AGBL4: variants seen among roughly 807,000 people sequenced by gnomAD.
AGBL4 encodes AGBL carboxypeptidase 4, also known as cytosolic carboxypeptidase 6.
AGBL4 carries 58 observed loss-of-function variants against 66.4 expected under a neutral mutation model. That is an observed-to-expected ratio of 0.87 (90% CI 0.71 to 1.09). The LOEUF (loss-of-function observed/expected upper bound fraction) is 1.09, where lower values mean the gene tolerates loss of function less well. Ranked by LOEUF, AGBL4 falls within the 50% of genes least tolerant of loss-of-function variation. The probability of loss-of-function intolerance (pLI) is 0.00; values close to 1 mark genes in which losing one functional copy is unlikely to be tolerated. For missense variants in AGBL4, 579 were observed against 631.0 expected (o/e 0.92, Z 0.88); for synonymous variants, 234 against 222.9 (o/e 1.05, Z -0.44).
chr1:49,161,146 C>A (rs1235372179), intron 4 of AGBL4, among the ~76,000 whole-genome samples: 1 of 152,138 alleles, frequency 6.6e-6, no homozygotes, highest in Admixed American at 6.5e-5. Context: ...TAAATGGCCA[C>A]CCAGTTTTGT....
At chr1:49,191,082 A>G (rs1647109726) in intron 4 of AGBL4, among the ~76,000 whole-genome samples, 1 of 152,242 alleles carries the variant, frequency 6.6e-6, no homozygotes. Context: ...AGATACAGAG[A>G]TGAATCAGAA....
intron 4 of AGBL4, among the ~76,000 whole-genome samples, chr1:49,223,469 C>T (rs1281297846): frequency 1.3e-5 from 2 of 152,184 alleles, no homozygotes; most frequent in Non-Finnish European, 2.9e-5. Context: ...CATTTTAGCT[C>T]CTTCTCAGCT....
intron 5 of AGBL4, among the ~76,000 whole-genome samples, chr1:48,914,693 A>C (rs1230385274): frequency 1.3e-5 from 2 of 152,146 alleles, no homozygotes; most frequent in Non-Finnish European, 2.9e-5. Context: ...ACTGTTAACC[A>C]GTTTTTTAGT....
chr1:48,985,934 A>C (rs928051758), intron 5 of AGBL4, among the ~76,000 whole-genome samples: 1 of 152,180 alleles, frequency 6.6e-6, no homozygotes, highest in Non-Finnish European at 1.5e-5. Context: ...GCTGTATTCC[A>C]TATGTTCCAA....
At chr1:49,094,522 TC>T in intron 4 of AGBL4, among the ~76,000 whole-genome samples, 1 of 152,274 alleles carries the variant, frequency 6.6e-6, no homozygotes, top group Middle Eastern at 3.4e-3. Context: ...TAGCCTTGCA[TC>T]CCAGGGATGA....
chr1:49,761,267 ACTTT>A (rs1284100765), intron 2 of AGBL4, among the ~76,000 whole-genome samples: 5 of 152,094 alleles, frequency 3.3e-5, no homozygotes, highest in Non-Finnish European at 7.4e-5. Context: ...AGGCTATCAT[ACTTT>A]CTTATCTATT....
intron 3 of AGBL4, among the ~76,000 whole-genome samples, chr1:49,299,135 T>C (rs1644698043): frequency 6.6e-6 from 1 of 152,178 alleles, no homozygotes; most frequent in Admixed American, 6.5e-5. Flanking sequence ...AATATTCCCA[T>C]ATCACAGTTG....
At chr1:48,582,715 C>T (rs974857545) in intron 11 of AGBL4, among the ~76,000 whole-genome samples, 2 of 152,174 alleles carry the variant, frequency 1.3e-5, no homozygotes, top group African/African-American at 4.8e-5. Flanking sequence ...AAAGTGAGTA[C>T]TATTTTTATT....
chr1:49,916,459 C>T (rs550045174), intron 1 of AGBL4, among the ~76,000 whole-genome samples: 4 of 152,166 alleles, frequency 2.6e-5, no homozygotes, highest in Admixed American at 6.5e-5. Flanking sequence ...GTAACCAATT[C>T]GATCAACTCA....
At chr1:48,753,528 C>T (rs937861921) in intron 6 of AGBL4, among the ~76,000 whole-genome samples, 1 of 152,156 alleles carries the variant, frequency 6.6e-6, no homozygotes, top group African/African-American at 2.4e-5. Context: ...GGTATTTTAG[C>T]GGACCTTGGA....
intron 8 of AGBL4, among the ~76,000 whole-genome samples, chr1:48,640,306 C>T (rs1307450904): frequency 6.6e-6 from 1 of 152,152 alleles, no homozygotes; most frequent in East Asian, 1.9e-4. Flanking sequence ...TCTGTGAACT[C>T]CATGAGGGCA....
chr1:49,166,361 A>C (rs1364271069), intron 4 of AGBL4, among the ~76,000 whole-genome samples: 1 of 152,158 alleles, frequency 6.6e-6, no homozygotes, highest in Non-Finnish European at 1.5e-5. Context: ...AATGTTTTGT[A>C]GGGAGCCAAG....
At chr1:49,900,171 C>T (rs1028140440) in intron 1 of AGBL4, among the ~76,000 whole-genome samples, 1 of 152,190 alleles carries the variant, frequency 6.6e-6, no homozygotes, top group South Asian at 2.1e-4. Flanking sequence ...CATATTGCTT[C>T]TAACTGTAGA....
intron 5 of AGBL4, among the ~76,000 whole-genome samples, chr1:49,040,641 T>C (rs1421888822): frequency 2.0e-5 from 3 of 152,124 alleles, no homozygotes; most frequent in Non-Finnish European, 4.4e-5. Flanking sequence ...TACTGATACA[T>C]GCTATAATAT....
chr1:49,393,899 C>T (rs532025186), intron 3 of AGBL4, among the ~76,000 whole-genome samples: 2 of 152,112 alleles, frequency 1.3e-5, no homozygotes, highest in Admixed American at 6.6e-5. Context: ...TTGAACACTT[C>T]GGTGTGCCAG....
At chr1:48,934,610 C>A (rs1236814919) in intron 5 of AGBL4, among the ~76,000 whole-genome samples, 2 of 152,096 alleles carry the variant, frequency 1.3e-5, no homozygotes, top group African/African-American at 4.8e-5. Flanking sequence ...GCTCTTCCTC[C>A]AGAATTCCTT....
intron 6 of AGBL4, among the ~76,000 whole-genome samples, chr1:48,848,442 G>A (rs1014632472): frequency 6.6e-5 from 10 of 152,164 alleles, no homozygotes; most frequent in African/African-American, 2.4e-4. Flanking sequence ...TTATTTGAAG[G>A]TTGATTGCTA....
intron 3 of AGBL4, among the ~76,000 whole-genome samples, chr1:49,395,762 T>TACAC (rs1553194889): frequency 1.4e-5 from 2 of 138,220 alleles, no homozygotes; most frequent in Non-Finnish European, 3.0e-5. Context: ...TATATATATA[T>TACAC]ACACATATAT....
At chr1:49,653,436 T>C (rs1646050301) in intron 3 of AGBL4, among the ~76,000 whole-genome samples, 1 of 151,816 alleles carries the variant, frequency 6.6e-6, no homozygotes, top group Non-Finnish European at 1.5e-5. Flanking sequence ...ACAACACGTC[T>C]CCAGCAAGGG....
Sources: allele counts gnomAD v4.1 joint callset (sites outside exome capture counted in the v4.1 genomes callset), GRCh38; gene constraint gnomAD v4.1.1; transcripts MANE v1.5; gene names NCBI Gene and HGNC (gene_info 2026-07-23, HGNC 2026-07-21).